Variants in DUSP10 observed in about 807,000 individuals in gnomAD.
The protein encoded by DUSP10 is dual specificity phosphatase 10.
DUSP10 carries 14 observed loss-of-function variants against 30.8 expected under a neutral mutation model. The ratio of observed to expected loss-of-function variants is 0.46; its 90% CI spans 0.30 to 0.71. The LOEUF is 0.71. DUSP10 is among the 30% of genes least tolerant of loss of function. The pLI is 0.08. For synonymous variants in DUSP10, 254 were observed against 250.4 expected (o/e 1.01, Z -0.14); for missense variants, 550 against 619.4 (o/e 0.89, Z 1.19).
intron 3 of DUSP10, among the ~76,000 whole-genome samples, chr1:221,703,156 T>G (rs1558114513): frequency 1.3e-5 from 2 of 151,610 alleles, no homozygotes. Context: ...TACACACACA[T>G]GAAAATATAC....
chr1:221,733,815 A>C (rs906755393), intron 2 of DUSP10, among the ~76,000 whole-genome samples: 8 of 152,208 alleles, frequency 5.3e-5, no homozygotes, highest in Non-Finnish European at 1.2e-4. Context: ...AGTGAGCAAA[A>C]TTTCACTCTG....
intron 2 of DUSP10, among the ~76,000 whole-genome samples, chr1:221,731,226 C>T (rs1661580714): frequency 1.3e-5 from 2 of 152,156 alleles, no homozygotes; most frequent in African/African-American, 4.8e-5. Flanking sequence ...GTTTTCATCC[C>T]ACCCCTGTCC....
intron 2 of DUSP10, among the ~76,000 whole-genome samples, chr1:221,736,162 T>A (rs942070532): frequency 6.6e-6 from 1 of 152,172 alleles, no homozygotes; most frequent in African/African-American, 2.4e-5. Flanking sequence ...AAATGGCAAG[T>A]TAGCAGCCGC....
At chr1:221,737,085 C>G (rs866439792) in intron 2 of DUSP10, 2 of 985,416 alleles carry the variant, frequency 2.0e-6, no homozygotes, top group African/African-American at 3.5e-5. Flanking sequence ...CCAGGAGATT[C>G]ATTTCTCAAT....
intron 2 of DUSP10, among the ~76,000 whole-genome samples, chr1:221,733,498 G>A (rs1295119970): frequency 6.6e-6 from 1 of 152,226 alleles, no homozygotes; most frequent in Admixed American, 6.5e-5. Context: ...AAGGGCAAGA[G>A]TATTCATACT....
At chr1:221,733,084 T>G (rs1661664465) in intron 2 of DUSP10, among the ~76,000 whole-genome samples, 2 of 152,256 alleles carry the variant, frequency 1.3e-5, no homozygotes, top group Non-Finnish European at 2.9e-5. Context: ...CAAACTGCTC[T>G]TCAGCAATGC....
chr1:221,702,367 T>C lies in DUSP10; in HGVS notation c.*45A>G, dbSNP rs777736146. Reference sequence around the variant, plus strand: ...AACCAGAATCCATCCTCCTTCCTCATTGTCTCCTAATGGAGAGCAGCAATC... The same window carrying C: ...AACCAGAATCCATCCTCCTTCCTCACTGTCTCCTAATGGAGAGCAGCAATC... On this transcript the variant is annotated 3_prime_UTR_variant, in exon 4 of 4. Transcript: ENST00000366899. This position sits in a 1 kb window ranked among gnomAD's most constrained non-coding sequence, Gnocchi z 4.5. 8 of 1,572,098 alleles carry C rather than the reference T, an allele frequency of 5.1e-6. No homozygotes were observed. Among genetic ancestry groups the C allele is most frequent in the South Asian group, 3.4e-5 (3 of 87,208 alleles).
chr1:221,732,740 C>T (rs903374616), intron 2 of DUSP10, among the ~76,000 whole-genome samples: 52 of 152,162 alleles, frequency 3.4e-4, no homozygotes, highest in African/African-American at 1.2e-3. Flanking sequence ...TCAAACTTTG[C>T]TGCCTGTTAG....
intron 2 of DUSP10, among the ~76,000 whole-genome samples, chr1:221,729,854 A>C (rs1161049871): frequency 6.6e-6 from 1 of 152,254 alleles, no homozygotes; most frequent in Non-Finnish European, 1.5e-5. Context: ...AAATTAAAAG[A>C]AACAATAGAA....
In DUSP10 at chr1:221,734,818, C is replaced by T. The variant is rs116233574; in HGVS notation, c.811+4116G>A. 5.0e-3 allele frequency among the ~76,000 whole-genome samples: 764 copies of T among 152,200 alleles called. 2 individuals are homozygous for T. Among genetic ancestry groups the T allele is most frequent in the South Asian group, 9.9e-3 (48 of 4,828 alleles). ...CCAGAGGCTCAGAATAACAACAGCA[C>T]GTTTATGAATGTAGATATGTCTTTA... is the stretch of plus-strand genomic sequence containing the variant. On this transcript the variant is annotated intron_variant, in intron 2 of 3. Transcript: ENST00000366899.
intron 2 of DUSP10, 112 bp downstream of exon 2, chr1:221,738,822 T>C: frequency 7.5e-7 from 1 of 1,325,658 alleles, no homozygotes; most frequent in Non-Finnish European, 1.0e-6. Context: ...AAGAATAAAG[T>C]CTATTTTGGT....
chr1:221,739,169 G>A lies in DUSP10; in HGVS notation c.576C>T (p.Val192=), dbSNP rs147985011. 222 of 1,614,062 alleles carry A rather than the reference G, an allele frequency of 1.4e-4. No individual in the cohort carries two copies. The highest frequency in any genetic ancestry group is 1.8e-4 in the Non-Finnish European group (217 of 1,180,042). ...TGATCTTATCGGCACAGTTAATGTG[G>A]ACAGCTCCTTGGATGTGACTCTTGT... The part of the protein sequence containing the change: ...EYNKSHIQGA[V]HINCADKISR... Residue 192 remains valine, a synonymous_variant, in exon 2 of 4, where the codon GTC becomes GTT. Coordinates refer to ENST00000366899, the MANE Select transcript of DUSP10 (RefSeq NM_007207.6).
At chr1:221,737,295 T>C (rs1661806386) in intron 2 of DUSP10, 2 of 985,280 alleles carry the variant, frequency 2.0e-6, no homozygotes, top group South Asian at 9.4e-5. Context: ...GAGGAGATCA[T>C]CATGATCATT....
intron 2 of DUSP10, among the ~76,000 whole-genome samples, chr1:221,730,328 G>T (rs781770733): frequency 2.1e-4 from 32 of 152,180 alleles, no homozygotes; most frequent in Non-Finnish European, 4.1e-4. Context: ...AGAGGTTTAA[G>T]CTCCTCAAAG....
intron 2 of DUSP10, chr1:221,736,912 G>A (rs1020987852): frequency 5.3e-5 from 52 of 985,300 alleles, no homozygotes; most frequent in Non-Finnish European, 5.7e-5. Flanking sequence ...ACGAGGCCTC[G>A]CAGTGGCTGC....
intron 2 of DUSP10, among the ~76,000 whole-genome samples, chr1:221,712,768 A>G (rs753737677): frequency 4.5e-5 from 6 of 134,304 alleles, no homozygotes; most frequent in Admixed American, 2.2e-4. Context: ...TGGATGATAT[A>G]TAAAGCAGCA....
intron 2 of DUSP10, among the ~76,000 whole-genome samples, chr1:221,728,870 A>G (rs1661499261): frequency 6.6e-6 from 1 of 152,132 alleles, no homozygotes; most frequent in Non-Finnish European, 1.5e-5. Context: ...GGGTTTATTA[A>G]TGTGTGCAAA....
At chr1:221,705,443 A>G (rs1223094656) in intron 3 of DUSP10, among the ~76,000 whole-genome samples, 3 of 152,172 alleles carry the variant, frequency 2.0e-5, no homozygotes, top group African/African-American at 7.2e-5. Flanking sequence ...TTGGGGCTAT[A>G]GAAGTTGCAG....
intron 2 of DUSP10, among the ~76,000 whole-genome samples, chr1:221,716,034 T>C (rs1416956834): frequency 7.5e-6 from 1 of 132,982 alleles, no homozygotes; most frequent in Non-Finnish European, 1.6e-5. Context: ...TCCCTGTCCC[T>C]GCCATCTCCC....
Sources: allele counts gnomAD v4.1 joint callset (sites outside exome capture counted in the v4.1 genomes callset), GRCh38; gene constraint gnomAD v4.1.1; non-coding constraint Gnocchi (gnomAD v3.1); transcripts MANE v1.5; gene names NCBI Gene and HGNC (gene_info 2026-07-23, HGNC 2026-07-21).